Variants in NFYC observed in about 807,000 individuals in gnomAD.
NFYC encodes the protein nuclear transcription factor Y subunit gamma.
In NFYC, 25 loss-of-function variants were observed where a neutral mutation model predicts 53.1. The ratio of observed to expected loss-of-function variants is 0.47; its 90% CI spans 0.34 to 0.66. The LOEUF (loss-of-function observed/expected upper bound fraction) is 0.66. Ranked by LOEUF, NFYC falls within the 30% of genes least tolerant of loss-of-function variation. NFYC has a pLI of 0.01. For synonymous variants in NFYC, 145 were observed against 152.6 expected (o/e 0.95, Z 0.37); for missense variants, 260 against 422.7 (o/e 0.62, Z 3.38).
intron 2 of NFYC, among the ~76,000 whole-genome samples, chr1:40,740,910 T>G (rs935586756): frequency 6.6e-6 from 1 of 151,976 alleles, no homozygotes; most frequent in Non-Finnish European, 1.5e-5. Context: ...CTTTTCTGTT[T>G]TGTTGGACTT....
chr1:40,719,895 G>A (rs74764477), intron 1 of NFYC, among the ~76,000 whole-genome samples: 48 of 152,312 alleles, frequency 3.2e-4, no homozygotes, highest in African/African-American at 1.0e-3. Flanking sequence ...CCTGGATAAA[G>A]TATCTTTATC....
At chr1:40,747,086 G>A (rs1645645628) in intron 2 of NFYC, among the ~76,000 whole-genome samples, 2 of 152,142 alleles carry the variant, frequency 1.3e-5, no homozygotes, top group African/African-American at 2.4e-5. Flanking sequence ...GTGCCCCGGC[G>A]TTGCTGTTAG....
chr1:40,770,339 G>A lies in NFYC; in HGVS notation c.889-370G>A. 1 of 1,477,968 alleles carries A rather than the reference G, an allele frequency of 6.8e-7. No homozygotes were observed. The highest frequency in any genetic ancestry group is 9.1e-7 in the Non-Finnish European group (1 of 1,097,444). 91.6% of individuals were successfully genotyped at this position (1,477,968 alleles called of 1,614,324 possible). On this transcript the variant is annotated intron_variant, in intron 9 of 9. Coordinates refer to ENST00000447388, the MANE Select transcript of NFYC (RefSeq NM_014223.5). The surrounding 1 kb of genome is among the most constrained non-coding windows in gnomAD (Gnocchi z 5.3). Reference sequence around the variant, plus strand: ...CCAGTGTAGATTACCAAGAGTTGGGGAAATGCTGACTTCCAAGCTGCTGGT... The same window carrying A: ...CCAGTGTAGATTACCAAGAGTTGGGAAAATGCTGACTTCCAAGCTGCTGGT...
intron 2 of NFYC, among the ~76,000 whole-genome samples, chr1:40,743,383 A>G (rs1280410981): frequency 6.6e-6 from 1 of 152,270 alleles, no homozygotes; most frequent in Non-Finnish European, 1.5e-5. Flanking sequence ...AGCAAATAAC[A>G]GACTTCTTCG....
chr1:40,769,187 A>G, intron 8 of NFYC, 169 bp from the exon 9 acceptor site: 1 of 661,670 alleles, frequency 1.5e-6, no homozygotes, highest in Non-Finnish European at 2.8e-6. Context: ...TGACGTAGCC[A>G]TCAGTGCTAG....
chr1:40,724,246 T>TAATC (rs776875511), intron 1 of NFYC, among the ~76,000 whole-genome samples: 19 of 152,272 alleles, frequency 1.2e-4, no homozygotes, highest in East Asian at 1.2e-3. Context: ...CGGGTGCCTA[T>TAATC]AATCCCAGCT....
intron 1 of NFYC, among the ~76,000 whole-genome samples, chr1:40,727,523 A>G (rs1376725630): frequency 6.9e-6 from 1 of 144,978 alleles, no homozygotes; most frequent in Non-Finnish European, 1.5e-5. Context: ...GTGCCTGGCC[A>G]TGAATATTCT....
At chr1:40,718,947 C>G (rs1644236870) in intron 1 of NFYC, among the ~76,000 whole-genome samples, 1 of 152,228 alleles carries the variant, frequency 6.6e-6, no homozygotes, top group Non-Finnish European at 1.5e-5. Flanking sequence ...TCTTGGCTCA[C>G]TGCAACCTCT....
At chr1:40,739,929 G>A (rs186118405) in intron 2 of NFYC, among the ~76,000 whole-genome samples, 15 of 152,326 alleles carry the variant, frequency 9.8e-5, no homozygotes, top group African/African-American at 3.4e-4. Flanking sequence ...CTTGTAGTTA[G>A]GGGAACATCA....
intron 2 of NFYC, among the ~76,000 whole-genome samples, chr1:40,741,934 C>T (rs933146956): frequency 1.3e-5 from 2 of 152,112 alleles, no homozygotes; most frequent in African/African-American, 2.4e-5. Flanking sequence ...GAGACAGGGT[C>T]TCACTCTGTT....
chr1:40,737,581 G>A lies in NFYC; in HGVS notation c.-8-1255G>A, dbSNP rs115218180. On this transcript the variant is annotated intron_variant, in intron 1 of 9. Transcript: ENST00000447388. ...TGACCTCAGGTGATCCACCTGCCTC[G>A]GCTTCCCAGAGTGTTTGGATTACAG... is the stretch of plus-strand genomic sequence containing the variant. 6.0e-3 allele frequency among the ~76,000 whole-genome samples: 912 copies of A among 152,092 alleles called. 9 individuals carry two copies. The highest frequency in any genetic ancestry group is 0.021 in the African/African-American group (863 of 41,496).
chr1:40,752,775 T>C (rs1235842128), intron 4 of NFYC, among the ~76,000 whole-genome samples: 1 of 151,980 alleles, frequency 6.6e-6, no homozygotes, highest in African/African-American at 2.4e-5. Context: ...GGGAAAATAT[T>C]ATTTAGGGCC....
At chr1:40,746,994 C>G (rs1028053222) in intron 2 of NFYC, among the ~76,000 whole-genome samples, 2 of 152,146 alleles carry the variant, frequency 1.3e-5, no homozygotes, top group African/African-American at 4.8e-5. Flanking sequence ...GAGCTCTCCT[C>G]CCCAGTTTCT....
At chr1:40,704,220 C>G (rs991894128) in intron 1 of NFYC, among the ~76,000 whole-genome samples, 1 of 152,000 alleles carries the variant, frequency 6.6e-6, no homozygotes, top group Non-Finnish European at 1.5e-5. Flanking sequence ...TACAGGCGCC[C>G]GCCACCACGC....
chr1:40,762,911 T>G lies in NFYC; in HGVS notation c.585T>G (p.Val195=). Residue 195 remains valine, a synonymous_variant, in exon 7 of 10, where the codon GTT becomes GTG. Coordinates refer to ENST00000447388, the MANE Select transcript of NFYC (RefSeq NM_014223.5). The part of the protein sequence containing the change: ...QGQTTPVTMQ[V]GEGQQVQIVQ... The stretch of plus-strand genomic sequence containing the variant: ...AGACCACACCTGTGACAATGCAGGT[T>G]GGAGAAGGTCAGCAGGTGCAGATTG... 6.2e-7 allele frequency: 1 copy of G among 1,607,004 alleles called. No homozygotes were observed. The highest frequency in any genetic ancestry group is 8.5e-7 in the Non-Finnish European group (1 of 1,176,226).
chr1:40,740,501 G>A (rs1210912591), intron 2 of NFYC, among the ~76,000 whole-genome samples: 1 of 152,202 alleles, frequency 6.6e-6, no homozygotes, highest in Non-Finnish European at 1.5e-5. Flanking sequence ...GGTCATGTTT[G>A]TTTATATGAA....
chr1:40,770,691 C>A lies in NFYC; in HGVS notation c.889-18C>A. The A allele has an allele frequency of 6.2e-7, 1 of 1,614,154 alleles. No homozygotes were observed. Among genetic ancestry groups the A allele is most frequent in the Non-Finnish European group, 8.5e-7 (1 of 1,180,030 alleles). ...TCTCCCAGGGATGACCTCACTCTCT[C>A]CTCTCCACCCCTCGCAGCAGCTCTA... is the stretch of plus-strand genomic sequence containing the variant. On this transcript the variant is annotated intron_variant, in intron 9 of 9. Transcript: ENST00000447388. The surrounding 1 kb of genome is among the most constrained non-coding windows in gnomAD (Gnocchi z 5.3).
intron 1 of NFYC, among the ~76,000 whole-genome samples, chr1:40,698,723 A>G (rs548059527): frequency 4.1e-4 from 63 of 152,212 alleles, no homozygotes; most frequent in Non-Finnish European, 5.4e-4. Context: ...TTTAAAGCCA[A>G]TAGTATATCC....
At chr1:40,701,039 A>G (rs1280884243) in intron 1 of NFYC, among the ~76,000 whole-genome samples, 4 of 152,360 alleles carry the variant, frequency 2.6e-5, no homozygotes, top group East Asian at 1.9e-4. Flanking sequence ...AAGACGCATT[A>G]GTTCCTTATC....
Sources: gnomAD v4.1 joint callset for allele counts (sites outside exome capture counted in the v4.1 genomes callset) on GRCh38, gnomAD v4.1.1 for gene constraint, Gnocchi (gnomAD v3.1) non-coding constraint, MANE v1.5 for transcripts, NCBI Gene and HGNC (gene_info 2026-07-23, HGNC 2026-07-21) for gene names.